The following KCTD3 variants were observed in gnomAD, a reference collection of about 807,000 sequenced individuals.
KCTD3 encodes the protein BTB/POZ domain-containing protein KCTD3.
KCTD3 carries 41 observed loss-of-function variants against 85.8 expected under a neutral mutation model. The ratio of observed to expected loss-of-function variants is 0.48; its 90% CI spans 0.37 to 0.62. KCTD3 has a LOEUF of 0.62. KCTD3 is among the 20% of genes least tolerant of loss of function. The probability of loss-of-function intolerance (pLI) is 0.00; values close to 1 mark genes in which losing one functional copy is unlikely to be tolerated. For synonymous variants in KCTD3, 338 were observed against 345.4 expected, an observed-to-expected ratio of 0.98 and a Z score of 0.24; for missense variants, 724 against 989.9, an observed-to-expected ratio of 0.73 and a Z score of 3.60.
chr1:215,604,381 A>G, intron 13 of KCTD3, 79 bp downstream of exon 13: 1 of 1,099,410 alleles, frequency 9.1e-7, no homozygotes, highest in South Asian at 1.5e-5. Flanking sequence ...CGCAGTGTTT[A>G]TGTGAGAAAA....
chr1:215,570,557 G>A (rs958787302), intron 1 of KCTD3, among the ~76,000 whole-genome samples: 2 of 152,148 alleles, frequency 1.3e-5, no homozygotes, highest in Non-Finnish European at 2.9e-5. Flanking sequence ...TCTCTAACTA[G>A]CCTAGCAACC....
intron 2 of KCTD3, 85 bp downstream of exon 2, chr1:215,573,924 TA>T (rs1314609413): frequency 5.7e-6 from 6 of 1,043,600 alleles, no homozygotes; most frequent in African/African-American, 1.6e-5. Context: ...TTTTTTTTAA[TA>T]AAAAAGGTTA....
intron 15 of KCTD3, among the ~76,000 whole-genome samples, chr1:215,613,444 T>C (rs891269837): frequency 2.0e-5 from 3 of 152,212 alleles, no homozygotes; most frequent in African/African-American, 7.2e-5. Context: ...TCCTATCCTG[T>C]AGGTTGTCTG....
intron 8 of KCTD3, among the ~76,000 whole-genome samples, chr1:215,583,531 C>G (rs2102566201): frequency 6.6e-6 from 1 of 152,248 alleles, no homozygotes; most frequent in East Asian, 1.9e-4. Context: ...ATCTTTGTGA[C>G]CTTTACCTTG....
At chr1:215,602,023 C>T in intron 11 of KCTD3, 62 bp from the exon 12 acceptor site, 7 of 1,406,302 alleles carry the variant, frequency 5.0e-6, no homozygotes, top group Non-Finnish European at 7.0e-6. Context: ...GAAAACATTA[C>T]CTTTCAGTTT....
chr1:215,618,754 T>C, intron 15 of KCTD3, 132 bp from the exon 16 acceptor site: 1 of 684,622 alleles, frequency 1.5e-6, no homozygotes, highest in Non-Finnish European at 2.4e-6. Context: ...ACACATAAAT[T>C]TTAAATGATT....
Position 215,616,951 on chromosome 1 carries a change from T to C in KCTD3, c.1563-1935T>C, listed in dbSNP as rs146917970. ...AGATGGGAGTAGAAGGTTGGCACTT[T>C]CAGCCCCACCCAGCAACCTTTGAGA... On this transcript the variant is annotated intron_variant, in intron 15 of 17. Coordinates refer to ENST00000259154, the MANE Select transcript of KCTD3 (RefSeq NM_016121.5). Among the ~76,000 whole-genome samples, 904 of 152,338 alleles carry C rather than the reference T, an allele frequency of 5.9e-3. 21 individuals carry two copies. In the South Asian group the frequency reaches 0.067, roughly 11 times the overall value.
chr1:215,593,641 A>AT (rs943949464), intron 9 of KCTD3, among the ~76,000 whole-genome samples: 24 of 151,892 alleles, frequency 1.6e-4, no homozygotes, highest in Admixed American at 3.9e-4. Flanking sequence ...GGTTTCATGC[A>AT]TTTTTTTTCT....
At chr1:215,609,290 A>G (rs1655146980) in intron 14 of KCTD3, among the ~76,000 whole-genome samples, 1 of 152,012 alleles carries the variant, frequency 6.6e-6, no homozygotes, top group African/African-American at 2.4e-5. Context: ...AGGTTGGAAC[A>G]TTCCTGGCAG....
rs1432974513 is a variant in KCTD3 at position 215,579,914 on chromosome 1, C to G, written c.541C>G (p.Pro181Ala). Residue 181 changes from proline (P) to alanine (A), a missense_variant, in exon 8 of 18, where the codon CCT (proline) becomes GCT (alanine). Physicochemically the swap from Pro to Ala is conservative, Grantham distance 27 (BLOSUM62 -1). Transcript: ENST00000259154. ...TCTTTTTCCAAAATCAACAGGATTTCCTGTGGATCCACGAAAGGTGCTAAT... is the reference window on the plus strand; with the variant it reads ...TCTTTTTCCAAAATCAACAGGATTTGCTGTGGATCCACGAAAGGTGCTAAT... ...TGEETVRLGF[P>A]VDPRKVLIVA... 6.8e-6 allele frequency: 11 copies of G among 1,611,160 alleles called. No individual in the cohort carries two copies. Among genetic ancestry groups the G allele is most frequent in the Non-Finnish European group, 2.5e-6 (3 of 1,177,482 alleles).
In KCTD3 at chr1:215,579,057, T is replaced by G. The variant is rs1440735285; in HGVS notation, c.455T>G (p.Leu152Arg). ...AGATCTGCTGATTCTAGGAATGGTCTAAATTCTACAGAAGGTGAAGCCCGG... is the reference window on the plus strand; with the variant it reads ...AGATCTGCTGATTCTAGGAATGGTCGAAATTCTACAGAAGGTGAAGCCCGG... ...TVRSADSRNGLNSTEGEARGN... is the reference protein window; with the variant it reads ...TVRSADSRNGRNSTEGEARGN... The change falls in exon 7 of 18, where the codon CTA becomes CGA. Residue 152 changes from leucine to arginine, a missense_variant. This residue lies in a region of KCTD3 where 106 missense variants were observed against 98.2 expected (regional missense o/e 1.08). Transcript: ENST00000259154. 6.3e-7 allele frequency: 1 copy of G among 1,592,388 alleles called. No homozygotes were observed. The highest frequency in any genetic ancestry group is 8.5e-7 in the Non-Finnish European group (1 of 1,172,608).
intron 15 of KCTD3, chr1:215,618,406 AT>A (rs373166644): frequency 1.2e-5 from 2 of 162,796 alleles, no homozygotes; most frequent in Non-Finnish European, 1.3e-5. Flanking sequence ...TTTTTTGTCT[AT>A]TTTTTTGACC....
chr1:215,591,816 C>G (rs1262562324), intron 9 of KCTD3, among the ~76,000 whole-genome samples: 1 of 152,188 alleles, frequency 6.6e-6, no homozygotes, highest in African/African-American at 2.4e-5. Flanking sequence ...TTCTTCGCCT[C>G]CTCAGTTCAG....
In KCTD3 at chr1:215,586,617, T is replaced by G; in HGVS notation, c.749T>G (p.Val250Gly). ...CCACATGGAGACAAAGACAAAATGG[T>G]TGCTGTTGCCTCAGAGAGTAGCATC... Reference protein sequence around the residue: ...GGPHGDKDKMVAVASESSIIL... With the variant: ...GGPHGDKDKMGAVASESSIIL... Residue 250 changes from valine (V) to glycine (G), a missense_variant, in exon 9 of 18, where the codon GTT becomes GGT. Around this residue, in one of 6 missense-constraint regions of KCTD3, gnomAD observed 146 missense variants for 320.3 expected, o/e 0.46. Transcript: ENST00000259154. The G allele has an allele frequency of 6.2e-7, 1 of 1,614,042 alleles. No homozygotes were observed. The highest frequency in any genetic ancestry group is 2.2e-5 in the East Asian group (1 of 44,872).
intron 9 of KCTD3, among the ~76,000 whole-genome samples, chr1:215,592,694 T>C (rs943560379): frequency 1.3e-5 from 2 of 152,210 alleles, no homozygotes; most frequent in Non-Finnish European, 2.9e-5. Flanking sequence ...GAGCCATTTG[T>C]TGTTAACAAA....
chr1:215,612,008 G>T, intron 15 of KCTD3, 87 bp downstream of exon 15: 1 of 855,920 alleles, frequency 1.2e-6, no homozygotes, highest in Non-Finnish European at 2.0e-6. Context: ...ATTGACCAAA[G>T]AGTGCTACTA....
At chr1:215,603,324 A>G (rs1047390784) in intron 12 of KCTD3, among the ~76,000 whole-genome samples, 8 of 152,130 alleles carry the variant, frequency 5.3e-5, no homozygotes, top group African/African-American at 1.9e-4. Context: ...AAGTATTTTC[A>G]GATGAATCAG....
In KCTD3 at chr1:215,620,355, C is replaced by G; in HGVS notation, c.2185C>G (p.His729Asp). ...LRELDSGLEV[H>D]KIAEGFSESK... ...AGAATTGGATAGTGGATTGGAAGTG[C>G]ATAAAATAGCTGAAGGTTTTTCAGA... The change falls in exon 18 of 18, where the codon CAT (histidine) becomes GAT (aspartate). Residue 729 changes from histidine (H) to aspartate (D), a missense_variant. Transcript: ENST00000259154. 6.2e-7 allele frequency: 1 copy of G among 1,613,218 alleles called. No individual in the cohort carries two copies. Among genetic ancestry groups the G allele is most frequent in the Non-Finnish European group, 8.5e-7 (1 of 1,179,700 alleles).
Position 215,579,946 on chromosome 1 carries a change from T to C in KCTD3, c.573T>C (p.Ala191=). Residue 191 remains alanine (A), a synonymous_variant, in exon 8 of 18, where the codon GCT becomes GCC. Coordinates refer to ENST00000259154, the MANE Select transcript of KCTD3 (RefSeq NM_016121.5). ...ATCCACGAAAGGTGCTAATAGTAGC[T>C]GGCCATCACAACTGGATTGTAGCTG... ...PVDPRKVLIV[A]GHHNWIVAAY... 3 of 1,613,760 alleles carry C rather than the reference T, an allele frequency of 1.9e-6. No homozygotes were observed. Among genetic ancestry groups the C allele is most frequent in the Non-Finnish European group, 2.5e-6 (3 of 1,179,580 alleles).
Sources: gnomAD v4.1 joint callset for allele counts (sites outside exome capture counted in the v4.1 genomes callset) on GRCh38, gnomAD v4.1.1 for gene constraint, gnomAD v4.1.1 regional missense constraint, MANE v1.5 for transcripts, NCBI Gene and HGNC (gene_info 2026-07-23, HGNC 2026-07-21) for gene names.